The following TPTE variants were observed in gnomAD, a reference collection of about 807,000 sequenced individuals.
The protein encoded by TPTE is transmembrane phosphatase with tensin homology.
A neutral mutation model predicts 84.1 loss-of-function variants in TPTE; 59 were observed. The ratio of observed to expected loss-of-function variants is 0.70; its 90% CI spans 0.57 to 0.87. The LOEUF (loss-of-function observed/expected upper bound fraction) is 0.87, where lower values mean the gene tolerates loss of function less well. Among genes scored for constraint, TPTE ranks in the 40% least tolerant of loss-of-function variants. The probability of loss-of-function intolerance (pLI) is 0.00; values close to 1 mark genes in which losing one functional copy is unlikely to be tolerated. For missense variants in TPTE, 382 were observed against 659.6 expected (o/e 0.58, Z 4.61); for synonymous variants, 130 against 223.5 (o/e 0.58, Z 3.73).
At chr21:10,536,932 G>C (rs1431472735) in intron 3 of TPTE, among the ~76,000 whole-genome samples, 1 of 152,310 alleles carries the variant, frequency 6.6e-6, no homozygotes, top group Admixed American at 6.5e-5. Flanking sequence ...GGGGCCCTTA[G>C]GGAAAACAAA....
At chr21:10,581,309 A>C (rs2075267235) in intron 17 of TPTE, among the ~76,000 whole-genome samples, 1 of 152,310 alleles carries the variant, frequency 6.6e-6, no homozygotes, top group Non-Finnish European at 1.5e-5. Flanking sequence ...CCAACCTAAA[A>C]TGTTATTATT....
At chr21:10,548,578 C>G (rs2074515053) in intron 7 of TPTE, among the ~76,000 whole-genome samples, 1 of 152,300 alleles carries the variant, frequency 6.6e-6, no homozygotes, top group African/African-American at 2.4e-5. Context: ...GCTCTATGGA[C>G]TACCCCCAGC....
At chr21:10,605,321 CTT>C (rs1171890834) in intron 23 of TPTE, 94 bp from the exon 24 acceptor site, 11 of 1,478,578 alleles carry the variant, frequency 7.4e-6, no homozygotes, top group Non-Finnish European at 9.0e-6. Flanking sequence ...TGGTGAGGTT[CTT>C]TTTTTGTTTC....
intron 7 of TPTE, among the ~76,000 whole-genome samples, chr21:10,546,775 C>T (rs1317718228): frequency 2.0e-5 from 3 of 152,308 alleles, no homozygotes; most frequent in Non-Finnish European, 4.4e-5. Context: ...TTCAGTGAAG[C>T]CTGGGAGAGG....
At chr21:10,599,874 T>G (rs1400067289) in intron 21 of TPTE, among the ~76,000 whole-genome samples, 1 of 152,226 alleles carries the variant, frequency 6.6e-6, no homozygotes, top group African/African-American at 2.4e-5. Flanking sequence ...TTTTTTTTTC[T>G]TGAGCCAGGG....
intron 7 of TPTE, among the ~76,000 whole-genome samples, chr21:10,546,675 T>C (rs977298491): frequency 1.3e-5 from 2 of 152,308 alleles, no homozygotes; most frequent in Non-Finnish European, 2.9e-5. Flanking sequence ...ATATGGAGAA[T>C]GTTGTAGTGG....
chr21:10,538,222 A>G (rs1159430061), intron 3 of TPTE, among the ~76,000 whole-genome samples: 14 of 152,290 alleles, frequency 9.2e-5, no homozygotes, highest in African/African-American at 2.9e-4. Flanking sequence ...GTGGTACTCA[A>G]AACCCCAAAT....
chr21:10,526,308 C>T (rs1265369463), intron 2 of TPTE, among the ~76,000 whole-genome samples: 1 of 152,302 alleles, frequency 6.6e-6, no homozygotes, highest in African/African-American at 2.4e-5. Context: ...TCCTCACAGG[C>T]TGAAAGACTA....
At chr21:10,531,279 C>G (rs1455681130) in intron 3 of TPTE, among the ~76,000 whole-genome samples, 1 of 152,312 alleles carries the variant, frequency 6.6e-6, no homozygotes, top group East Asian at 1.9e-4. Flanking sequence ...TTAATTCCCT[C>G]CCTTGGAGTG....
chr21:10,572,194 A>G (rs1308576462), intron 14 of TPTE, among the ~76,000 whole-genome samples: 1 of 152,248 alleles, frequency 6.6e-6, no homozygotes, highest in Non-Finnish European at 1.5e-5. Context: ...TCACACCTGT[A>G]ATCCCAGCAC....
At chr21:10,522,312 T>G (rs546743167) in intron 1 of TPTE, among the ~76,000 whole-genome samples, 72 of 116,468 alleles carry the variant, frequency 6.2e-4, no homozygotes, top group Non-Finnish European at 1.1e-3. Context: ...TAGAAGGGCT[T>G]GGGGTGCGGG....
chr21:10,602,929 C>G (rs1439077817), intron 22 of TPTE, among the ~76,000 whole-genome samples: 4 of 152,308 alleles, frequency 2.6e-5, no homozygotes, highest in Non-Finnish European at 5.9e-5. Flanking sequence ...TTAATGCAAG[C>G]AGCTATGAGT....
At chr21:10,522,413 G>A (rs1200851826) in intron 1 of TPTE, among the ~76,000 whole-genome samples, 1 of 152,300 alleles carries the variant, frequency 6.6e-6, no homozygotes, top group Non-Finnish European at 1.5e-5. Context: ...CGCCCCGCGG[G>A]GCGGGTCTCC....
intron 19 of TPTE, among the ~76,000 whole-genome samples, chr21:10,594,531 A>G (rs1240263939): frequency 2.6e-5 from 4 of 152,310 alleles, no homozygotes; most frequent in Non-Finnish European, 5.9e-5. Flanking sequence ...GTTGTAGGAG[A>G]AGGAAGCGTG....
intron 7 of TPTE, among the ~76,000 whole-genome samples, chr21:10,550,521 A>AG (rs544896810): frequency 1.9e-3 from 289 of 152,264 alleles, no homozygotes; most frequent in Middle Eastern, 3.4e-3. Context: ...GGTTCAATTC[A>AG]GCAAGAAATA....
intron 4 of TPTE, among the ~76,000 whole-genome samples, chr21:10,540,190 C>T (rs1163927848): frequency 6.6e-6 from 1 of 152,310 alleles, no homozygotes; most frequent in Non-Finnish European, 1.5e-5. Context: ...CTGGCCAATG[C>T]ACCATGTGAT....
intron 17 of TPTE, among the ~76,000 whole-genome samples, chr21:10,589,204 C>G (rs1369137920): frequency 6.6e-6 from 1 of 152,394 alleles, no homozygotes; most frequent in Admixed American, 6.5e-5. Flanking sequence ...TCTTCTTTCC[C>G]TTTCCCTTCT....
intron 6 of TPTE, among the ~76,000 whole-genome samples, chr21:10,542,777 T>A (rs543779579): frequency 2.8e-4 from 42 of 152,404 alleles, no homozygotes; most frequent in Admixed American, 1.2e-3. Flanking sequence ...CCAATTCGTC[T>A]CATTGTAGCA....
intron 17 of TPTE, among the ~76,000 whole-genome samples, chr21:10,588,500 A>G (rs1387787309): frequency 2.0e-5 from 3 of 152,420 alleles, no homozygotes; most frequent in South Asian, 2.1e-4. Flanking sequence ...GGTAATGTTC[A>G]TTTTTTATAG....
Sources: allele counts gnomAD v4.1 joint callset (sites outside exome capture counted in the v4.1 genomes callset), GRCh38; gene constraint gnomAD v4.1.1; transcripts MANE v1.5; gene names NCBI Gene and HGNC (gene_info 2026-07-23, HGNC 2026-07-21).